COP1: variants seen among roughly 807,000 people sequenced by gnomAD.
COP1 encodes COP1 E3 ubiquitin ligase.
A neutral mutation model predicts 101.3 loss-of-function variants in COP1; 24 were observed. The observed-to-expected ratio is 0.24, with a 90% confidence interval of 0.17 to 0.33. The LOEUF is 0.33. COP1 is among the 10% of genes least tolerant of loss of function. COP1 has a pLI of 1.00. For synonymous variants in COP1, 347 were observed against 341.9 expected (o/e 1.01, Z -0.17); for missense variants, 663 against 906.2 (o/e 0.73, Z 3.45).
intron 11 of COP1, among the ~76,000 whole-genome samples, chr1:176,048,195 CTTTTTTT>C (rs10680105): frequency 7.9e-6 from 1 of 126,622 alleles, no homozygotes; most frequent in Non-Finnish European, 1.6e-5. Flanking sequence ...AATTAAAATT[CTTTTTTT>C]TTTTTTTTTT....
At chr1:176,087,526 A>G (rs1210823374) in intron 9 of COP1, among the ~76,000 whole-genome samples, 2 of 152,266 alleles carry the variant, frequency 1.3e-5, no homozygotes, top group Admixed American at 1.3e-4. Flanking sequence ...ATTGGCCATC[A>G]GAGAAATGCA....
At chr1:176,138,322 AG>A (rs971352785) in intron 6 of COP1, among the ~76,000 whole-genome samples, 1 of 152,222 alleles carries the variant, frequency 6.6e-6, no homozygotes, top group African/African-American at 2.4e-5. Context: ...AGATGGGCAA[AG>A]GAAGAAGCAG....
chr1:175,974,922 CAAAA>C (rs34306335), intron 18 of COP1, among the ~76,000 whole-genome samples: 5 of 91,286 alleles, frequency 5.5e-5, no homozygotes, highest in Non-Finnish European at 1.1e-4. Flanking sequence ...GACCCTGTCT[CAAAA>C]AAAAAAAAAA....
chr1:175,951,837 A>G (rs1050670147), intron 18 of COP1, among the ~76,000 whole-genome samples: 1 of 151,856 alleles, frequency 6.6e-6, no homozygotes, highest in Non-Finnish European at 1.5e-5. Flanking sequence ...TAATAAATGT[A>G]TAATTGGAGT....
At chr1:176,042,326 C>T (rs936469004) in intron 14 of COP1, among the ~76,000 whole-genome samples, 1 of 148,506 alleles carries the variant, frequency 6.7e-6, no homozygotes, top group Non-Finnish European at 1.5e-5. Context: ...TTTCAGAGGC[C>T]GAGGCAGCAG....
chr1:175,981,188 G>A (rs1042544636), intron 18 of COP1, among the ~76,000 whole-genome samples: 2 of 152,022 alleles, frequency 1.3e-5, no homozygotes, highest in African/African-American at 4.8e-5. Context: ...AAATTTTTCA[G>A]GTTTATTTAT....
At chr1:175,955,122 C>G (rs1371340440) in intron 18 of COP1, among the ~76,000 whole-genome samples, 2 of 151,960 alleles carry the variant, frequency 1.3e-5, no homozygotes, top group Non-Finnish European at 2.9e-5. Context: ...TGGCATGCAC[C>G]TGTAGTCCCA....
At chr1:176,109,503 T>C (rs964113585) in intron 9 of COP1, among the ~76,000 whole-genome samples, 1 of 152,206 alleles carries the variant, frequency 6.6e-6, no homozygotes, top group Non-Finnish European at 1.5e-5. Context: ...TACATTTTAA[T>C]AGTTGATGAG....
intron 15 of COP1, among the ~76,000 whole-genome samples, chr1:176,021,175 T>C (rs1031507262): frequency 6.6e-5 from 10 of 152,196 alleles, no homozygotes; most frequent in African/African-American, 2.2e-4. Flanking sequence ...AAATAAAATA[T>C]GTGCTAATTA....
intron 6 of COP1, among the ~76,000 whole-genome samples, chr1:176,146,493 C>T (rs1159815234): frequency 6.6e-6 from 1 of 152,204 alleles, no homozygotes; most frequent in Non-Finnish European, 1.5e-5. Context: ...CTTCAATATC[C>T]TCTCTTGCTT....
intron 5 of COP1, among the ~76,000 whole-genome samples, chr1:176,153,264 A>G (rs1027465636): frequency 6.6e-6 from 1 of 152,144 alleles, no homozygotes; most frequent in Admixed American, 6.6e-5. Flanking sequence ...TACCTTATAC[A>G]TGTCCCTGGG....
chr1:175,962,175 G>T (rs1053701555), intron 18 of COP1, among the ~76,000 whole-genome samples: 1 of 152,142 alleles, frequency 6.6e-6, no homozygotes, highest in Middle Eastern at 3.2e-3. Flanking sequence ...TACTCTGGTG[G>T]AAAGATTATT....
intron 15 of COP1, among the ~76,000 whole-genome samples, chr1:176,011,426 G>C (rs764758043): frequency 2.6e-5 from 4 of 152,110 alleles, no homozygotes; most frequent in Non-Finnish European, 5.9e-5. Flanking sequence ...GAAAGTAACC[G>C]AAATAGAAGA....
intron 18 of COP1, among the ~76,000 whole-genome samples, chr1:175,970,824 G>T (rs1013963156): frequency 5.9e-5 from 9 of 152,106 alleles, no homozygotes; most frequent in Non-Finnish European, 1.2e-4. Flanking sequence ...ATACCAGATA[G>T]AGGTACATGC....
chr1:176,094,015 C>CT (rs1190417568), intron 9 of COP1, among the ~76,000 whole-genome samples: 1 of 109,912 alleles, frequency 9.1e-6, no homozygotes, highest in Non-Finnish European at 2.0e-5. Flanking sequence ...GAGTGAGACT[C>CT]TGTCTCAAAA....
At chr1:176,009,203 A>G (rs1252785424) in intron 15 of COP1, among the ~76,000 whole-genome samples, 1 of 152,152 alleles carries the variant, frequency 6.6e-6, no homozygotes, top group Non-Finnish European at 1.5e-5. Context: ...CTGGTACTAG[A>G]GTCTGACACA....
intron 11 of COP1, among the ~76,000 whole-genome samples, chr1:176,058,998 T>C (rs1674367370): frequency 6.6e-6 from 1 of 152,246 alleles, no homozygotes; most frequent in Non-Finnish European, 1.5e-5. Flanking sequence ...GACTGTGACA[T>C]GGATTGGAGC....
chr1:175,981,702 G>C (rs1394329741), intron 18 of COP1, among the ~76,000 whole-genome samples: 1 of 152,050 alleles, frequency 6.6e-6, no homozygotes, highest in Non-Finnish European at 1.5e-5. Flanking sequence ...AAACAACAGA[G>C]TGAAAAGACA....
At chr1:176,092,426 A>C (rs1309057109) in intron 9 of COP1, among the ~76,000 whole-genome samples, 1 of 152,156 alleles carries the variant, frequency 6.6e-6, no homozygotes, top group Non-Finnish European at 1.5e-5. Context: ...CACCAAAATT[A>C]ATCATTAAAA....
Sources: allele counts gnomAD v4.1 joint callset (sites outside exome capture counted in the v4.1 genomes callset), GRCh38; gene constraint gnomAD v4.1.1; transcripts MANE v1.5; gene names NCBI Gene and HGNC (gene_info 2026-07-23, HGNC 2026-07-21).